The following NALF1 variants were observed in gnomAD, a reference collection of about 807,000 sequenced individuals.
NALF1 encodes the protein family with sequence similarity 155 member A.
In NALF1, 3 loss-of-function variants were observed where a neutral mutation model predicts 48.4. The ratio of observed to expected loss-of-function variants is 0.06; its 90% CI spans 0.03 to 0.16. The LOEUF (loss-of-function observed/expected upper bound fraction) is 0.16, where lower values mean the gene tolerates loss of function less well. Among genes scored for constraint, NALF1 ranks in the 10% least tolerant of loss-of-function variants. The pLI is 1.00. For synonymous variants in NALF1, 262 were observed against 245.7 expected, an observed-to-expected ratio of 1.07 and a Z score of -0.62; for missense variants, 526 against 571.5, an observed-to-expected ratio of 0.92 and a Z score of 0.81.
At chr13:107,803,599 G>A (rs1042492908) in intron 1 of NALF1, among the ~76,000 whole-genome samples, 6 of 152,064 alleles carry the variant, frequency 3.9e-5, no homozygotes, top group African/African-American at 9.7e-5. Context: ...AGTGCAGAGC[G>A]ATTACCTTCC....
chr13:107,177,697 G>T (rs915266542), intron 2 of NALF1, among the ~76,000 whole-genome samples: 3 of 152,210 alleles, frequency 2.0e-5, no homozygotes, highest in Non-Finnish European at 4.4e-5. Context: ...TCCATATGCA[G>T]AAGAATGAAA....
At chr13:107,176,578 C>T (rs1878942538) in intron 2 of NALF1, among the ~76,000 whole-genome samples, 1 of 151,764 alleles carries the variant, frequency 6.6e-6, no homozygotes, top group Admixed American at 6.6e-5. Flanking sequence ...GGAGGCGGAG[C>T]TTGCAGTGAG....
intron 1 of NALF1, among the ~76,000 whole-genome samples, chr13:107,612,097 AGGGGGAGGGAGGAAGGGGAG>A (rs1879242498): frequency 2.7e-5 from 1 of 37,068 alleles, no homozygotes; most frequent in Non-Finnish European, 4.7e-5. Context: ...GAGAGAGGGG[AGGGGGAGGGAGGAAGGGGAG>A]GGGGGAGGGG....
chr13:107,411,514 C>G (rs1883991586), intron 1 of NALF1, among the ~76,000 whole-genome samples: 1 of 152,026 alleles, frequency 6.6e-6, no homozygotes, highest in African/African-American at 2.4e-5. Context: ...TGGGTTTATT[C>G]CTCATTCAGT....
At chr13:107,198,929 G>A (rs1476872419) in intron 2 of NALF1, among the ~76,000 whole-genome samples, 1 of 152,110 alleles carries the variant, frequency 6.6e-6, no homozygotes, top group Non-Finnish European at 1.5e-5. Context: ...CTCCAAAAAC[G>A]TACCTGTTGA....
chr13:107,200,860 A>G (rs1879497704), intron 2 of NALF1, among the ~76,000 whole-genome samples: 1 of 152,200 alleles, frequency 6.6e-6, no homozygotes, highest in African/African-American at 2.4e-5. Flanking sequence ...CAACTGCTGT[A>G]GTCCCGGTGA....
At chr13:107,599,687 CTT>C (rs1324180942) in intron 1 of NALF1, among the ~76,000 whole-genome samples, 2 of 152,066 alleles carry the variant, frequency 1.3e-5, no homozygotes, top group Admixed American at 1.3e-4. Context: ...TTTATGTTCT[CTT>C]GTTTCTGTTT....
chr13:107,261,995 A>AT (rs536365664), intron 1 of NALF1, among the ~76,000 whole-genome samples: 231 of 152,318 alleles, frequency 1.5e-3, no homozygotes, highest in African/African-American at 5.4e-3. Flanking sequence ...AACAAATCAC[A>AT]TTAATTAATT....
chr13:107,443,482 G>C (rs143738812), intron 1 of NALF1, among the ~76,000 whole-genome samples: 8 of 152,252 alleles, frequency 5.3e-5, no homozygotes, highest in African/African-American at 1.7e-4. Flanking sequence ...CTCCCATAGT[G>C]CTGGGATTAC....
rs191070244 is a variant in NALF1 at position 107,435,361 on chromosome 13, A to G, written c.916-224606T>C. ...AAAATCAAAAGTCTACTTAGCCCCA[A>G]ATGACGTCAGCGTCAGCAGACCCAC... On this transcript the variant is annotated intron_variant, in intron 1 of 2. Transcript: ENST00000375915. Among the ~76,000 whole-genome samples, 13 of 152,270 alleles carry G rather than the reference A, an allele frequency of 8.5e-5. No individual in the cohort carries two copies. In the East Asian group the frequency reaches 1.9e-3, roughly 23 times the overall value.
At chr13:107,740,754 G>A (rs1324976146) in intron 1 of NALF1, among the ~76,000 whole-genome samples, 1 of 152,178 alleles carries the variant, frequency 6.6e-6, no homozygotes, top group Non-Finnish European at 1.5e-5. Context: ...CTCAAGAACA[G>A]TTTGCCAAAT....
chr13:107,325,853 C>T (rs9587350), intron 1 of NALF1, among the ~76,000 whole-genome samples: 17,749 of 46,832 alleles, frequency 0.38, 3,447 homozygotes, highest in Non-Finnish European at 0.45. Context: ...CACACACACA[C>T]ACATATATAT....
At chr13:107,373,222 C>T (rs74785799) in intron 1 of NALF1, among the ~76,000 whole-genome samples, 4,240 of 152,272 alleles carry the variant, frequency 0.028, 76 homozygotes, top group South Asian at 0.041. Context: ...ATAGACCTAA[C>T]AGGAACGTCA....
At chr13:107,501,042 T>C (rs905674107) in intron 1 of NALF1, among the ~76,000 whole-genome samples, 1 of 151,974 alleles carries the variant, frequency 6.6e-6, no homozygotes, top group East Asian at 1.9e-4. Context: ...GCATGGCACA[T>C]GTATACATAT....
At chr13:107,513,550 GAGGA>G (rs1261546197) in intron 1 of NALF1, among the ~76,000 whole-genome samples, 1 of 151,806 alleles carries the variant, frequency 6.6e-6, no homozygotes, top group Non-Finnish European at 1.5e-5. Flanking sequence ...TATTGCAATA[GAGGA>G]AGGAAGTGTC....
At chr13:107,557,917 A>C (rs1325949745) in intron 1 of NALF1, among the ~76,000 whole-genome samples, 1 of 152,200 alleles carries the variant, frequency 6.6e-6, no homozygotes, top group Non-Finnish European at 1.5e-5. Context: ...GCCTACTCTC[A>C]GTACCGTGTC....
At chr13:107,669,194 A>AG (rs1880931961) in intron 1 of NALF1, among the ~76,000 whole-genome samples, 1 of 152,120 alleles carries the variant, frequency 6.6e-6, no homozygotes, top group Non-Finnish European at 1.5e-5. Context: ...ATGTGATTCT[A>AG]GTTTTCAGGA....
In NALF1 at chr13:107,362,100, C is replaced by G. The variant is rs926277455; in HGVS notation, c.916-151345G>C. Among the ~76,000 whole-genome samples the G allele has an allele frequency of 6.6e-5, 10 of 152,118 alleles. No homozygotes were observed. The highest frequency in any genetic ancestry group is 3.3e-4 in the Admixed American group (5 of 15,264). ...CATAGGTAGAGATGGGGGAATTCAA[C>G]TCTTATTTTCTTAAGCTACTGAAAT... On this transcript the variant is annotated intron_variant, in intron 1 of 2. Coordinates refer to ENST00000375915, the MANE Select transcript of NALF1 (RefSeq NM_001080396.3). This position sits in a 1 kb window ranked among gnomAD's most constrained non-coding sequence, Gnocchi z 4.6.
At chr13:107,843,382 CACTTAGAG>C (rs1265295221) in intron 1 of NALF1, among the ~76,000 whole-genome samples, 2 of 152,098 alleles carry the variant, frequency 1.3e-5, no homozygotes, top group Non-Finnish European at 2.9e-5. Context: ...GTTCACGCTC[CACTTAGAG>C]AATCATCCAC....
Sources: gnomAD v4.1 joint callset for allele counts (sites outside exome capture counted in the v4.1 genomes callset) on GRCh38, gnomAD v4.1.1 for gene constraint, Gnocchi (gnomAD v3.1) non-coding constraint, MANE v1.5 for transcripts, NCBI Gene and HGNC (gene_info 2026-07-23, HGNC 2026-07-21) for gene names.